The following FARP2 variants were observed in gnomAD, a reference collection of about 807,000 sequenced individuals.
The protein encoded by FARP2 is FERM, ARHGEF and pleckstrin domain-containing protein 2.
FARP2 carries 111 observed loss-of-function variants against 130.5 expected under a neutral mutation model. The observed-to-expected ratio is 0.85, with a 90% CI of 0.73 to 1.00. The LOEUF (loss-of-function observed/expected upper bound fraction) is 1.00. Ranked by LOEUF, FARP2 falls within the 50% of genes least tolerant of loss-of-function variation. The pLI is 0.00. For synonymous variants in FARP2, 504 were observed against 516.9 expected (o/e 0.98, Z 0.34); for missense variants, 1,385 against 1,346.3 (o/e 1.03, Z -0.45).
At chr2:241,486,474 A>C (rs1349379712) in intron 21 of FARP2, among the ~76,000 whole-genome samples, 4 of 139,446 alleles carry the variant, frequency 2.9e-5, no homozygotes, top group Non-Finnish European at 6.2e-5. Context: ...AAAAAAAAAA[A>C]AAAAAAAAAA....
At chr2:241,378,283 G>A (rs1038591681) in intron 2 of FARP2, among the ~76,000 whole-genome samples, 9 of 143,454 alleles carry the variant, frequency 6.3e-5, no homozygotes, top group African/African-American at 1.8e-4. Context: ...TTTTTTTTTT[G>A]TATTTTTAGT....
intron 1 of FARP2, among the ~76,000 whole-genome samples, chr2:241,368,614 A>G (rs1019625712): frequency 2.6e-5 from 4 of 152,058 alleles, no homozygotes; most frequent in African/African-American, 9.7e-5. Context: ...CAATGGGGTT[A>G]CCTGCCGGTA....
At chr2:241,432,691 G>GA (rs1416544661) in intron 9 of FARP2, among the ~76,000 whole-genome samples, 2 of 152,116 alleles carry the variant, frequency 1.3e-5, no homozygotes, top group Non-Finnish European at 2.9e-5. Flanking sequence ...AGTAAAAATG[G>GA]AAAAAATAAA....
chr2:241,439,760 G>A (rs1322808274), intron 12 of FARP2, among the ~76,000 whole-genome samples: 4 of 152,108 alleles, frequency 2.6e-5, no homozygotes, highest in African/African-American at 7.2e-5. Flanking sequence ...TCAAGAGTTC[G>A]AGACCAGCTT....
chr2:241,378,187 T>A (rs1200479979), intron 2 of FARP2, among the ~76,000 whole-genome samples: 3 of 151,920 alleles, frequency 2.0e-5, no homozygotes, highest in African/African-American at 7.3e-5. Context: ...CTGCAACCTC[T>A]GCCTCCTGGG....
At chr2:241,397,595 T>C (rs1031712005) in intron 2 of FARP2, among the ~76,000 whole-genome samples, 2 of 151,968 alleles carry the variant, frequency 1.3e-5, no homozygotes, top group African/African-American at 4.8e-5. Flanking sequence ...CCAGAAGAGA[T>C]TGATCAGGTG....
rs184755468 is a variant in FARP2, at chr2:241,442,092, G to T, written c.1411+536G>T. On this transcript the variant is annotated intron_variant, in intron 13 of 26. Coordinates refer to ENST00000264042, the MANE Select transcript of FARP2 (RefSeq NM_014808.4). ...CCTCGGAGCTATTTGAGGTGAAGGCGCAGGCCAGCCGGATGCAGCGCCTGC... is the reference window on the plus strand; with the variant it reads ...CCTCGGAGCTATTTGAGGTGAAGGCTCAGGCCAGCCGGATGCAGCGCCTGC... 4.2e-5 allele frequency: 16 copies of T among 384,830 alleles called. No homozygotes were observed. The Admixed American group carries it at 4.2e-4, about 10-fold the overall frequency. The allele number at this position is 384,830 out of a possible 1,614,324, so 23.8% of individuals were successfully genotyped here.
chr2:241,360,090 A>AAT (rs1485586174), intron 1 of FARP2, among the ~76,000 whole-genome samples: 1 of 152,174 alleles, frequency 6.6e-6, no homozygotes, highest in African/African-American at 2.4e-5. Context: ...ATCACCATTT[A>AAT]ATATATATTA....
intron 1 of FARP2, among the ~76,000 whole-genome samples, chr2:241,370,574 C>T (rs1488992043): frequency 6.6e-6 from 1 of 151,998 alleles, no homozygotes; most frequent in Non-Finnish European, 1.5e-5. Flanking sequence ...ATCACATACC[C>T]CATAAACATG....
chr2:241,493,543 G>T, intron 26 of FARP2, 99 bp downstream of exon 26: 1 of 1,096,200 alleles, frequency 9.1e-7, no homozygotes, highest in South Asian at 1.3e-5. Flanking sequence ...TCTGGGCCCT[G>T]GAAAGGAAGG....
chr2:241,406,085 C>T (rs2062332967), intron 4 of FARP2, among the ~76,000 whole-genome samples: 1 of 151,998 alleles, frequency 6.6e-6, no homozygotes, highest in African/African-American at 2.4e-5. Flanking sequence ...GGGCAGATCA[C>T]AAGGTCAGGA....
intron 24 of FARP2, 22 bp downstream of exon 24, chr2:241,491,701 C>T (rs1398468746): frequency 1.9e-6 from 3 of 1,568,508 alleles, no homozygotes; most frequent in Admixed American, 3.5e-5. Context: ...TGAGCACCAC[C>T]TCAGTGCATC....
intron 2 of FARP2, among the ~76,000 whole-genome samples, chr2:241,392,887 G>C (rs922037721): frequency 4.0e-5 from 6 of 150,920 alleles, no homozygotes; most frequent in Non-Finnish European, 8.9e-5. Context: ...AAGTTGCAGT[G>C]AGCCGAGATG....
chr2:241,400,300 G>A (rs910558011), intron 2 of FARP2, among the ~76,000 whole-genome samples: 9 of 152,200 alleles, frequency 5.9e-5, no homozygotes, highest in African/African-American at 2.2e-4. Context: ...CACAACAGCC[G>A]TCAGAATCAG....
intron 8 of FARP2, 123 bp downstream of exon 8, chr2:241,418,232 A>G: frequency 1.0e-6 from 1 of 995,498 alleles, no homozygotes; most frequent in South Asian, 1.6e-5. Context: ...TCGATTTGGA[A>G]GAGGGGCTTT....
chr2:241,464,984 C>G (rs551767800), intron 17 of FARP2, among the ~76,000 whole-genome samples: 2 of 152,250 alleles, frequency 1.3e-5, no homozygotes, highest in South Asian at 4.2e-4. Flanking sequence ...ACAGCATACC[C>G]CTCACAACAG....
intron 21 of FARP2, among the ~76,000 whole-genome samples, chr2:241,487,936 G>A (rs1266981787): frequency 6.6e-6 from 1 of 151,630 alleles, no homozygotes; most frequent in Admixed American, 6.6e-5. Flanking sequence ...TTTTAGTAGA[G>A]ACGGGGTTTC....
Position 241,434,172 on chromosome 2 carries a change from C to T in FARP2, c.882C>T (p.Asp294=). Reference sequence around the variant, plus strand: ...TTTGTTTCTAGGGACCTTACCAGGACACATTAGAATTTTTGTTGGGTAGTA... The same window carrying T: ...TTTGTTTCTAGGGACCTTACCAGGATACATTAGAATTTTTGTTGGGTAGTA... ...LHPEVHGPYQ[D]TLEFLLGSRD... is the part of the protein sequence containing the mutation. The change falls in exon 10 of 27, where the codon GAC becomes GAT. Residue 294 remains aspartate (D), a synonymous_variant. Coordinates refer to ENST00000264042, the MANE Select transcript of FARP2 (RefSeq NM_014808.4). 2 of 1,610,002 alleles carry T rather than the reference C, an allele frequency of 1.2e-6. No homozygotes were observed. Among genetic ancestry groups the T allele is most frequent in the Non-Finnish European group, 1.7e-6 (2 of 1,178,172 alleles).
intron 9 of FARP2, among the ~76,000 whole-genome samples, 157 bp downstream of exon 9, chr2:241,431,931 C>A (rs962192693): frequency 3.3e-5 from 5 of 152,144 alleles, no homozygotes; most frequent in Non-Finnish European, 5.9e-5. Flanking sequence ...AAGCGATTCT[C>A]CTGCCTCAGC....
Sources: allele counts gnomAD v4.1 joint callset (sites outside exome capture counted in the v4.1 genomes callset), GRCh38; gene constraint gnomAD v4.1.1; transcripts MANE v1.5; gene names NCBI Gene and HGNC (gene_info 2026-07-23, HGNC 2026-07-21).